The following KLRG1 variants were observed in gnomAD, a reference collection of about 807,000 sequenced individuals.
The protein encoded by KLRG1 is killer cell lectin like receptor G1, also known as killer cell lectin-like receptor subfamily G member 1.
KLRG1 carries 16 observed loss-of-function variants against 21.8 expected under a neutral mutation model. That is an observed-to-expected ratio of 0.73 (90% CI 0.50 to 1.11). KLRG1 has a LOEUF of 1.11. KLRG1 is among the 50% of genes most tolerant of loss of function. The pLI is 0.00. For missense variants in KLRG1, 173 were observed against 218.3 expected (o/e 0.79, Z 1.31); for synonymous variants, 69 against 75.9 (o/e 0.91, Z 0.47).
chr12:9,129,045 CTCTT>C, the KLRG1 span, among the ~76,000 whole-genome samples: 1 of 152,160 alleles, frequency 6.6e-6, no homozygotes, highest in Non-Finnish European at 1.5e-5. Context: ...TAGCCATAAC[CTCTT>C]TCTTTCTCTC....
the KLRG1 span, among the ~76,000 whole-genome samples, chr12:9,071,008 C>T: frequency 1.3e-5 from 2 of 151,994 alleles, no homozygotes; most frequent in East Asian, 1.9e-4. Flanking sequence ...TTAGTACAGA[C>T]GGGGTTTCTC....
chr12:9,122,237 C>T, the KLRG1 span, among the ~76,000 whole-genome samples: 1 of 152,124 alleles, frequency 6.6e-6, no homozygotes, highest in East Asian at 1.9e-4. Context: ...GGAAATGTTA[C>T]AGGATTACTT....
chr12:9,007,314 G>A (rs372304812), intron 3 of KLRG1, among the ~76,000 whole-genome samples: 1 of 152,182 alleles, frequency 6.6e-6, no homozygotes, highest in African/African-American at 2.4e-5. Context: ...AGGCTGGAGT[G>A]CAGTGATGCC....
chr12:9,075,128 C>G, the KLRG1 span, among the ~76,000 whole-genome samples: 1 of 152,104 alleles, frequency 6.6e-6, no homozygotes, highest in Non-Finnish European at 1.5e-5. Context: ...GTTACATTTC[C>G]TATAAAGTGT....
At chr12:9,128,415 C>A in the KLRG1 span, 1 of 153,944 alleles carries the variant, frequency 6.5e-6, no homozygotes, top group South Asian at 1.9e-4. Flanking sequence ...GAGCTGCAGT[C>A]GCAGCTCAGC....
At chr12:9,153,334 C>T in the KLRG1 span, 1 of 1,613,726 alleles carries the variant, frequency 6.2e-7, no homozygotes, top group Non-Finnish European at 8.5e-7. Context: ...TGGAGAGCCA[C>T]CACTGTGTCC....
chr12:9,093,608 A>G, the KLRG1 span: 1 of 1,326,676 alleles, frequency 7.5e-7, no homozygotes, highest in Non-Finnish European at 1.0e-6. Context: ...AAGACATTAC[A>G]ATAAACATAC....
chr12:9,174,980 C>T, the KLRG1 span, among the ~76,000 whole-genome samples: 3 of 152,028 alleles, frequency 2.0e-5, no homozygotes, highest in African/African-American at 7.2e-5. Context: ...TCATATGGAA[C>T]CAAAAAAGAG....
the KLRG1 span, among the ~76,000 whole-genome samples, chr12:9,029,576 T>A: frequency 1.3e-5 from 2 of 152,194 alleles, no homozygotes; most frequent in African/African-American, 2.4e-5. Context: ...CCTCTCCAAC[T>A]GAAATTTTGT....
At chr12:9,126,990 A>G in the KLRG1 span, among the ~76,000 whole-genome samples, 1 of 152,216 alleles carries the variant, frequency 6.6e-6, no homozygotes, top group Non-Finnish European at 1.5e-5. Context: ...GTCTATGAGT[A>G]AAAGCTCTAG....
the KLRG1 span, among the ~76,000 whole-genome samples, chr12:9,048,395 C>A: frequency 6.6e-6 from 1 of 152,034 alleles, no homozygotes; most frequent in Non-Finnish European, 1.5e-5. Flanking sequence ...AATACCAAAA[C>A]TAGAGAAATA....
At chr12:8,953,430 G>T (rs779214960) in intron 1 of KLRG1, among the ~76,000 whole-genome samples, 1 of 152,246 alleles carries the variant, frequency 6.6e-6, no homozygotes, top group South Asian at 2.1e-4. Context: ...GAAAGGGTAG[G>T]TGTATATAAA....
the KLRG1 span, among the ~76,000 whole-genome samples, chr12:9,125,424 C>T: frequency 5.3e-5 from 8 of 152,118 alleles, no homozygotes; most frequent in African/African-American, 1.9e-4. Context: ...AAATCGACAC[C>T]TCAAAGCACT....
intron 1 of KLRG1, among the ~76,000 whole-genome samples, chr12:8,959,529 C>T (rs776096857): frequency 1.3e-5 from 2 of 152,166 alleles, no homozygotes; most frequent in African/African-American, 4.8e-5. Context: ...CCTCTGAACT[C>T]TTGGGGGGAT....
the KLRG1 span, among the ~76,000 whole-genome samples, chr12:9,198,811 T>G: frequency 6.6e-6 from 1 of 152,220 alleles, no homozygotes; most frequent in African/African-American, 2.4e-5. Flanking sequence ...CATATAGATA[T>G]CTGCACTACG....
the KLRG1 span, chr12:9,202,424 G>A: frequency 1.7e-4 from 274 of 1,613,484 alleles, 1 homozygote; most frequent in African/African-American, 3.3e-3. Flanking sequence ...AGGTAATTTG[G>A]GTAATAAGAC....
At chr12:9,019,778 GTC>G in the KLRG1 span, among the ~76,000 whole-genome samples, 79 of 152,200 alleles carry the variant, frequency 5.2e-4, no homozygotes, top group East Asian at 0.01. Flanking sequence ...AGAGATGGGG[GTC>G]TCACTGTGTT....
chr12:9,197,042 C>A, the KLRG1 span: 2 of 1,613,438 alleles, frequency 1.2e-6, no homozygotes, highest in South Asian at 2.2e-5. Flanking sequence ...AGACCTCCTG[C>A]TTGTCACAAT....
the KLRG1 span, among the ~76,000 whole-genome samples, chr12:9,103,506 G>A: frequency 2.0e-5 from 3 of 152,046 alleles, no homozygotes; most frequent in Non-Finnish European, 4.4e-5. Flanking sequence ...TTGTGCAACA[G>A]ATCTCCAGAA....
Sources: gnomAD v4.1 joint callset for allele counts (sites outside exome capture counted in the v4.1 genomes callset) on GRCh38, gnomAD v4.1.1 for gene constraint, MANE v1.5 for transcripts, NCBI Gene and HGNC (gene_info 2026-07-23, HGNC 2026-07-21) for gene names.